Variants in CALN1 observed in about 807,000 individuals in gnomAD.
The protein encoded by CALN1 is calcium-binding protein 8.
In CALN1, 17 loss-of-function variants were observed where a neutral mutation model predicts 30.6. The ratio of observed to expected loss-of-function variants is 0.56; its 90% CI spans 0.38 to 0.83. The LOEUF (loss-of-function observed/expected upper bound fraction) is 0.83. Among genes scored for constraint, CALN1 ranks in the 40% least tolerant of loss-of-function variants. CALN1 has a pLI of 0.00. For synonymous variants in CALN1, 156 were observed against 131.4 expected (o/e 1.19, Z -1.28); for missense variants, 291 against 354.9 (o/e 0.82, Z 1.45).
chr7:72,374,558 GA>G (rs144987102), intron 2 of CALN1, among the ~76,000 whole-genome samples: 24 of 138,574 alleles, frequency 1.7e-4, no homozygotes, highest in African/African-American at 4.6e-4. Context: ...GGAAAAAAAA[GA>G]AAAAAAAAAC....
intron 4 of CALN1, among the ~76,000 whole-genome samples, chr7:72,086,342 C>G (rs1365606329): frequency 6.6e-6 from 1 of 152,072 alleles, no homozygotes; most frequent in Non-Finnish European, 1.5e-5. Flanking sequence ...GGAAAAGTCC[C>G]AAATACCCTA....
upstream of CALN1, among the ~76,000 whole-genome samples, chr7:72,451,284 G>A (rs957020303): frequency 1.3e-4 from 20 of 149,018 alleles, 1 homozygote; most frequent in East Asian, 4.0e-3. Flanking sequence ...GGAAGAAGGG[G>A]CGAAGGGAAG....
chr7:72,183,789 A>C (rs902704679), intron 3 of CALN1, among the ~76,000 whole-genome samples: 2 of 152,206 alleles, frequency 1.3e-5, no homozygotes, highest in Admixed American at 1.3e-4. Flanking sequence ...TGTTCTCTGG[A>C]AAGTAAATTA....
intron 4 of CALN1, among the ~76,000 whole-genome samples, chr7:72,031,734 ATTTTTTTTTTT>A (rs544026184): frequency 8.7e-6 from 1 of 114,684 alleles, no homozygotes; most frequent in Non-Finnish European, 1.8e-5. Flanking sequence ...CGCCTGGCTA[ATTTTTTTTTTT>A]TTTTTTTTTT....
At chr7:72,061,796 C>CAAAAAA (rs1161510912) in intron 4 of CALN1, among the ~76,000 whole-genome samples, 3 of 85,126 alleles carry the variant, frequency 3.5e-5, no homozygotes, top group African/African-American at 9.5e-5. Flanking sequence ...GACTCTGTCT[C>CAAAAAA]AAAAAAAAAA....
intron 5 of CALN1, among the ~76,000 whole-genome samples, chr7:72,002,977 T>C (rs1297459581): frequency 1.3e-5 from 2 of 152,202 alleles, no homozygotes; most frequent in Admixed American, 6.5e-5. Context: ...AGATCTATTA[T>C]ATAATATGGT....
At chr7:72,368,173 A>G (rs1317137924) in intron 2 of CALN1, among the ~76,000 whole-genome samples, 1 of 150,674 alleles carries the variant, frequency 6.6e-6, no homozygotes, top group Non-Finnish European at 1.5e-5. Context: ...ATATATGTGT[A>G]TATATGTGTA....
At chr7:72,489,016 T>C in the CALN1 span, among the ~76,000 whole-genome samples, 7 of 152,234 alleles carry the variant, frequency 4.6e-5, no homozygotes, top group South Asian at 6.2e-4. Context: ...AAGATAGATA[T>C]GGTAAAATTT....
At chr7:72,488,211 AT>A in the CALN1 span, among the ~76,000 whole-genome samples, 6 of 151,332 alleles carry the variant, frequency 4.0e-5, no homozygotes, top group African/African-American at 9.7e-5. Flanking sequence ...ACAAAAAAAA[AT>A]TTTTTTTAAT....
intron 5 of CALN1, among the ~76,000 whole-genome samples, chr7:71,958,165 T>G (rs1039467569): frequency 6.6e-6 from 1 of 151,772 alleles, no homozygotes; most frequent in African/African-American, 2.4e-5. Context: ...TCCATCATGG[T>G]GAAGTCTGAG....
intron 4 of CALN1, among the ~76,000 whole-genome samples, chr7:72,086,920 G>C (rs1805521470): frequency 6.6e-6 from 1 of 152,046 alleles, no homozygotes; most frequent in Non-Finnish European, 1.5e-5. Context: ...ATAATGAAAA[G>C]ACCTGACTTC....
At chr7:72,070,870 G>A (rs1184010385) in intron 4 of CALN1, among the ~76,000 whole-genome samples, 1 of 152,158 alleles carries the variant, frequency 6.6e-6, no homozygotes, top group East Asian at 1.9e-4. Flanking sequence ...TTTGGTTCAT[G>A]AGGCCTGCTG....
At chr7:72,125,243 GGCCTCAAGTGATCCGCCT>G (rs1808664045) in intron 3 of CALN1, among the ~76,000 whole-genome samples, 2 of 152,140 alleles carry the variant, frequency 1.3e-5, no homozygotes, top group African/African-American at 4.8e-5. Context: ...TCAAACTCCT[GGCCTCAAGTGATCCGCCT>G]GCCTCAGCCT....
At chr7:72,401,789 C>A (rs1359510168) in intron 2 of CALN1, among the ~76,000 whole-genome samples, 1 of 152,236 alleles carries the variant, frequency 6.6e-6, no homozygotes, top group Admixed American at 6.5e-5. Context: ...ATCCTCAGAT[C>A]TAGAGGTAGG....
At chr7:71,795,112 T>G (rs879629905) in intron 6 of CALN1, among the ~76,000 whole-genome samples, 12 of 152,078 alleles carry the variant, frequency 7.9e-5, no homozygotes, top group Non-Finnish European at 1.8e-4. Context: ...AACCTCCAAC[T>G]CCCTAGCAAT....
Position 72,223,181 on chromosome 7 carries a change from G to A in CALN1, c.244+55505C>T, listed in dbSNP as rs113450599. Among the ~76,000 whole-genome samples, 424 of 152,192 alleles carry A rather than the reference G, an allele frequency of 2.8e-3. 3 individuals are homozygous for A. Among genetic ancestry groups the A allele is most frequent in the African/African-American group, 9.6e-3 (400 of 41,520 alleles). ...CCTTGCTATTTATTTAACGGGCCGC[G>A]GTCAGGCAGAGGAGAAGAGGGGTTC... On this transcript the variant is annotated intron_variant, in intron 3 of 6. Transcript: ENST00000395275.
At chr7:72,185,668 G>A (rs1283054049) in intron 3 of CALN1, among the ~76,000 whole-genome samples, 3 of 152,174 alleles carry the variant, frequency 2.0e-5, no homozygotes, top group Admixed American at 6.5e-5. Flanking sequence ...ATTCCCACGT[G>A]TTGTGGGAGG....
At chr7:71,897,669 A>C (rs1275196335) in intron 5 of CALN1, among the ~76,000 whole-genome samples, 1 of 151,908 alleles carries the variant, frequency 6.6e-6, no homozygotes, top group Non-Finnish European at 1.5e-5. Context: ...TGCAATGGGA[A>C]ATGAGGAGAG....
intron 2 of CALN1, among the ~76,000 whole-genome samples, chr7:72,288,906 C>T (rs1798283635): frequency 1.3e-5 from 2 of 152,092 alleles, no homozygotes; most frequent in Non-Finnish European, 2.9e-5. Context: ...CACAAGTTTG[C>T]CAATTTTCTG....
Sources: allele counts gnomAD v4.1 joint callset (sites outside exome capture counted in the v4.1 genomes callset), GRCh38; gene constraint gnomAD v4.1.1; transcripts MANE v1.5; gene names NCBI Gene and HGNC (gene_info 2026-07-23, HGNC 2026-07-21).